The following JAK2 variants were observed in gnomAD, a reference collection of about 807,000 sequenced individuals.
JAK2 encodes Janus kinase 2.
JAK2 carries 86 observed loss-of-function variants against 139.3 expected under a neutral mutation model. The ratio of observed to expected loss-of-function variants is 0.62; its 90% CI spans 0.52 to 0.74. JAK2 has a LOEUF of 0.74. Ranked by LOEUF, JAK2 falls within the 30% of genes least tolerant of loss-of-function variation. The pLI, the probability that JAK2 is intolerant of heterozygous loss-of-function variation, is 0.00. For missense variants in JAK2, 1,421 were observed against 1,360.3 expected (o/e 1.04, Z -0.70); for synonymous variants, 490 against 437.7 (o/e 1.12, Z -1.49).
At chr9:4,994,212 T>C (rs1213002075) in intron 2 of JAK2, among the ~76,000 whole-genome samples, 1 of 152,246 alleles carries the variant, frequency 6.6e-6, no homozygotes. Context: ...CCATAGGAAC[T>C]TCCTTATCTC....
At chr9:5,040,729 C>G (rs1482020821) in intron 4 of JAK2, among the ~76,000 whole-genome samples, 1 of 152,274 alleles carries the variant, frequency 6.6e-6, no homozygotes, top group Admixed American at 6.5e-5. Flanking sequence ...CAGGTGGGCC[C>G]CTGAGCGGGC....
chr9:5,077,559 G>A lies in JAK2; in HGVS notation c.1971G>A (p.Leu657=). 1 of 1,486,770 alleles carries A rather than the reference G, an allele frequency of 6.7e-7. No individual in the cohort carries two copies. Among genetic ancestry groups the A allele is most frequent in the African/African-American group, 1.5e-5 (1 of 68,464 alleles). 92.1% of individuals were successfully genotyped at this position (1,486,770 alleles called of 1,614,324 possible). A position where few individuals can be genotyped will look rare whatever the true frequency, so the allele number is the denominator to read the frequency against. Residue 657 remains leucine, a synonymous_variant, in exon 15 of 25, where the codon TTG becomes TTA. Transcript: ENST00000381652. ...GGAAACTTGAAGTTGCTAAACAGTT[G>A]GCATGGGCCATGCATTTTCTAGTAA... ...ILWKLEVAKQ[L]AWAMHFLEEN...
chr9:4,995,061 A>T lies in JAK2; in HGVS notation c.-26+9039A>T, dbSNP rs367660980. ...CAAATTGACATAGAAATACCAAGTT[A>T]TGCTTTTCTACACCTTTACTAACAT... On this transcript the variant is annotated intron_variant, in intron 2 of 24. Transcript: ENST00000381652. Among the ~76,000 whole-genome samples, 30 of 152,340 alleles carry T rather than the reference A, an allele frequency of 2.0e-4. No individual in the cohort carries two copies. The South Asian group carries it at 5.6e-3, about 28-fold the overall frequency.
Position 5,127,319 on chromosome 9 carries a change from ATAAG to A in JAK2, c.*531_*534del, listed in dbSNP as rs1471303596. On this transcript the variant is annotated 3_prime_UTR_variant, in exon 25 of 25. Coordinates refer to ENST00000381652, the MANE Select transcript of JAK2 (RefSeq NM_004972.4). ...CAAATTAAGATGTTCAGATAATTGA[ATAAG>A]TACCTTTGTGTCCTTGTTCATTTAT... is the stretch of plus-strand genomic sequence containing the variant. The A allele has an allele frequency of 2.0e-4, 46 of 232,252 alleles. 1 individual carries two copies. In the East Asian group the frequency reaches 2.8e-3, roughly 14 times the overall value. The allele number at this position is 232,252 out of a possible 1,614,324, so 14.4% of individuals were successfully genotyped here.
In JAK2 at chr9:4,985,640, A is replaced by C. The variant is rs535427409; in HGVS notation, c.-109+10A>C. On this transcript the variant is annotated intron_variant, in intron 1 of 24. Coordinates refer to ENST00000381652, the MANE Select transcript of JAK2 (RefSeq NM_004972.4). ...CCGATCTGTGTAGCCGGTGGGTGTT[A>C]TCTCTGCCTGGCTTCTGGGTGGGGG... is the stretch of plus-strand genomic sequence containing the variant. 287 of 152,134 alleles carry C rather than the reference A, an allele frequency of 1.9e-3. No individual in the cohort carries two copies. The highest frequency in any genetic ancestry group is 3.3e-3 in the Non-Finnish European group (224 of 68,096). The allele number at this position is 152,134 out of a possible 1,614,324, so 9.4% of individuals were successfully genotyped here.
chr9:5,019,151 TC>T (rs1362948664), intron 2 of JAK2, among the ~76,000 whole-genome samples: 1 of 152,190 alleles, frequency 6.6e-6, no homozygotes, highest in Non-Finnish European at 1.5e-5. Flanking sequence ...GGTTTTCTAT[TC>T]CTTTTGTATT....
At chr9:5,093,968 C>G (rs375728408) in intron 22 of JAK2, among the ~76,000 whole-genome samples, 2 of 152,264 alleles carry the variant, frequency 1.3e-5, no homozygotes, top group South Asian at 2.1e-4. Flanking sequence ...GCCCTCCCCC[C>G]ATAAATGATG....
At chr9:4,997,065 A>C (rs1820614525) in intron 2 of JAK2, among the ~76,000 whole-genome samples, 1 of 150,110 alleles carries the variant, frequency 6.7e-6, no homozygotes, top group Admixed American at 6.7e-5. Context: ...AGTAGCTGGC[A>C]CTGCAGGCGA....
intron 4 of JAK2, among the ~76,000 whole-genome samples, chr9:5,031,072 T>C (rs1217564671): frequency 6.6e-6 from 1 of 152,108 alleles, no homozygotes; most frequent in Non-Finnish European, 1.5e-5. Flanking sequence ...TAGAAAGTTA[T>C]TTGAAGAATA....
At chr9:5,055,018 G>A in intron 7 of JAK2, 134 bp downstream of exon 7, 2 of 577,544 alleles carry the variant, frequency 3.5e-6, no homozygotes, top group Non-Finnish European at 5.9e-6. Context: ...TTAATAGCGT[G>A]AACCTATCAA....
chr9:5,051,479 T>C (rs1402601808), intron 6 of JAK2, among the ~76,000 whole-genome samples: 4 of 152,138 alleles, frequency 2.6e-5, no homozygotes, highest in Non-Finnish European at 5.9e-5. Flanking sequence ...TCCAAGAGAT[T>C]TGGATTCAGT....
At chr9:5,010,284 C>G (rs758962516) in intron 2 of JAK2, among the ~76,000 whole-genome samples, 3 of 151,886 alleles carry the variant, frequency 2.0e-5, no homozygotes, top group Non-Finnish European at 4.4e-5. Context: ...ATTTTAAGCC[C>G]TACCATACAC....
intron 5 of JAK2, among the ~76,000 whole-genome samples, chr9:5,047,120 T>C (rs771431218): frequency 8.5e-5 from 13 of 152,220 alleles, no homozygotes; most frequent in Non-Finnish European, 1.8e-4. Flanking sequence ...TATTTTTTAA[T>C]GTTTTTACTT....
At chr9:5,113,071 G>A (rs1344468751) in intron 22 of JAK2, among the ~76,000 whole-genome samples, 1 of 151,990 alleles carries the variant, frequency 6.6e-6, no homozygotes, top group African/African-American at 2.4e-5. Context: ...CTGGGACCCC[G>A]GCTCACCCCT....
intron 7 of JAK2, 95 bp from the exon 8 acceptor site, chr9:5,055,574 A>G (rs2130419197): frequency 1.0e-6 from 1 of 991,022 alleles, no homozygotes. Context: ...TTTTTATTTT[A>G]AAGAATTTGG....
Position 5,126,859 on chromosome 9 carries a change from TG to T in JAK2, c.*70del. On this transcript the variant is annotated 3_prime_UTR_variant, in exon 25 of 25. Coordinates refer to ENST00000381652, the MANE Select transcript of JAK2 (RefSeq NM_004972.4). ...CAAAGTTTTATATTTCACATTGCTG[TG>T]GACTATTATTACATATATCATTATT... 1 of 866,230 alleles carries T rather than the reference TG, an allele frequency of 1.2e-6. No individual in the cohort carries two copies. The allele number at this position is 866,230 out of a possible 1,614,324, so 53.7% of individuals were successfully genotyped here.
At chr9:5,070,118 T>TAC in intron 12 of JAK2, 66 bp downstream of exon 12, 1 of 1,130,782 alleles carries the variant, frequency 8.8e-7, no homozygotes, top group Non-Finnish European at 1.3e-6. Context: ...TTTCTTGATT[T>TAC]ACATTCATGT....
At chr9:5,101,155 G>A (rs917421915) in intron 22 of JAK2, 1 of 152,276 alleles carries the variant, frequency 6.6e-6, no homozygotes, top group African/African-American at 2.4e-5. Flanking sequence ...GACTGTACCT[G>A]GAAAATCAGG....
At chr9:5,005,533 C>G (rs1028930454) in intron 2 of JAK2, among the ~76,000 whole-genome samples, 1 of 151,972 alleles carries the variant, frequency 6.6e-6, no homozygotes, top group African/African-American at 2.4e-5. Context: ...AAGATGTATT[C>G]TTTTAAAGTG....
Sources: gnomAD v4.1 joint callset for allele counts (sites outside exome capture counted in the v4.1 genomes callset) on GRCh38, gnomAD v4.1.1 for gene constraint, MANE v1.5 for transcripts, NCBI Gene and HGNC (gene_info 2026-07-23, HGNC 2026-07-21) for gene names.